The following BMP1 variants were observed in gnomAD, a reference collection of about 807,000 sequenced individuals.
The protein encoded by BMP1 is bone morphogenetic protein 1.
Under a neutral mutation model 116.8 loss-of-function variants are expected in BMP1, and 63 were observed. That is an observed-to-expected ratio of 0.54 (90% confidence interval 0.44 to 0.67). The LOEUF (loss-of-function observed/expected upper bound fraction) is 0.67. Ranked by LOEUF, BMP1 falls within the 30% of genes least tolerant of loss-of-function variation. BMP1 has a pLI of 0.00. For synonymous variants in BMP1, 536 were observed against 533.4 expected, an observed-to-expected ratio of 1.00 and a Z score of -0.07; for missense variants, 1,183 against 1,358.9, an observed-to-expected ratio of 0.87 and a Z score of 2.04.
chr8:22,205,913 C>A (rs551924037), intron 16 of BMP1, among the ~76,000 whole-genome samples: 1 of 152,184 alleles, frequency 6.6e-6, no homozygotes, highest in African/African-American at 2.4e-5. Context: ...GATGACAAAG[C>A]CCTCAAGGAA....
rs1445810351 is a variant in BMP1, at chr8:22,206,896, C to G, written c.2276C>G (p.Thr759Ser). 1.2e-6 allele frequency: 2 copies of G among 1,614,216 alleles called. No individual in the cohort carries two copies. Among genetic ancestry groups the G allele is most frequent in the African/African-American group, 1.3e-5 (1 of 75,052 alleles). Residue 759 changes from threonine (T) to serine (S), a missense_variant, in exon 17 of 20, where the codon ACC becomes AGC. This residue lies in a region of BMP1 where 956 missense variants were observed against 1,135.2 expected (regional missense o/e 0.84). Coordinates refer to ENST00000306385, the MANE Select transcript of BMP1 (RefSeq NM_006129.5). ...GTGACATCCACCAGTGGTACCATCACCAGCCCCAACTGGCCTGACAAGTAT... is the reference window on the plus strand; with the variant it reads ...GTGACATCCACCAGTGGTACCATCAGCAGCCCCAACTGGCCTGACAAGTAT... Reference protein sequence around the residue: ...HKVTSTSGTITSPNWPDKYPS... With the variant: ...HKVTSTSGTISSPNWPDKYPS...
chr8:22,200,358 C>T (rs889315521), intron 15 of BMP1, among the ~76,000 whole-genome samples: 9 of 152,176 alleles, frequency 5.9e-5, no homozygotes, highest in African/African-American at 2.2e-4. Flanking sequence ...GGTGTCCATG[C>T]GCCTGTGTGT....
intron 8 of BMP1, 67 bp from the exon 9 acceptor site, chr8:22,191,982 T>C (rs994275399): frequency 1.4e-6 from 2 of 1,431,340 alleles, no homozygotes; most frequent in African/African-American, 2.8e-5. Context: ...GTGGTCATCA[T>C]GGGGCTGGCA....
At chr8:22,187,911 G>A (rs1396029559) in intron 8 of BMP1, among the ~76,000 whole-genome samples, 1 of 152,074 alleles carries the variant, frequency 6.6e-6, no homozygotes, top group African/African-American at 2.4e-5. Context: ...ATAAGGACAC[G>A]GAGGCACAGA....
intron 16 of BMP1, among the ~76,000 whole-genome samples, chr8:22,202,303 C>T (rs73551729): frequency 0.019 from 2,858 of 152,358 alleles, 52 homozygotes; most frequent in Middle Eastern, 0.12. Context: ...AGCCCTGCCG[C>T]TTCACTAGCT....
intron 15 of BMP1, among the ~76,000 whole-genome samples, chr8:22,200,731 C>T (rs552301131): frequency 1.4e-4 from 21 of 152,256 alleles, no homozygotes; most frequent in African/African-American, 3.6e-4. Context: ...CTGTAGATGT[C>T]GCCGCCTGAA....
At position 22,209,522 on chromosome 8, in the gene BMP1, C is replaced by T. The variant is rs1383237504; in HGVS notation, c.2653C>T (p.Pro885Ser). ...SHAQFGDNNY[P>S]GGVDCEWVIV... ...CGCCCAGTTTGGCGACAACAACTAC[C>T]CTGGGGGTGTGGACTGTGAGTGGGT... is the stretch of plus-strand genomic sequence containing the variant. The change falls in exon 19 of 20, where the codon CCT becomes TCT. Residue 885 changes from proline to serine, a missense_variant. Pro to Ser is a moderately conservative substitution (Grantham distance 74). Transcript: ENST00000306385. The T allele has an allele frequency of 1.9e-6, 3 of 1,614,234 alleles. No homozygotes were observed. The highest frequency in any genetic ancestry group is 1.1e-5 in the South Asian group (1 of 91,090).
At position 22,194,448 on chromosome 8, in the gene BMP1, T is replaced by A; in HGVS notation, c.1301T>A (p.Ile434Asn). The change falls in exon 11 of 20, where the codon ATC (isoleucine) becomes AAC (asparagine). Residue 434 changes from isoleucine (I) to asparagine (N), a missense_variant. This residue lies in a region of BMP1 where 956 missense variants were observed against 1,135.2 expected (regional missense o/e 0.84). Transcript: ENST00000306385. This position sits in a 1 kb window ranked among gnomAD's most constrained non-coding sequence, Gnocchi z 4.5. ...GKGFFAVYEA[I>N]CGGDVKKDYG... ...ACCCCATCCTGTGTCCCCACAGCCA[T>A]CTGCGGGGGTGATGTGAAAAAGGAC... 6.2e-7 allele frequency: 1 copy of A among 1,614,062 alleles called. No individual in the cohort carries two copies. Among genetic ancestry groups the A allele is most frequent in the Non-Finnish European group, 8.5e-7 (1 of 1,179,992 alleles).
intron 8 of BMP1, among the ~76,000 whole-genome samples, chr8:22,190,487 G>T (rs1242388851): frequency 6.6e-6 from 1 of 152,190 alleles, no homozygotes; most frequent in Non-Finnish European, 1.5e-5. Flanking sequence ...AATGGAGAGT[G>T]GGGCCCTTGA....
intron 1 of BMP1, among the ~76,000 whole-genome samples, chr8:22,166,160 G>C (rs2131832698): frequency 6.6e-6 from 1 of 152,166 alleles, no homozygotes; most frequent in African/African-American, 2.4e-5. Context: ...GAAGCTTTCT[G>C]GGACTTAGGA....
intron 15 of BMP1, among the ~76,000 whole-genome samples, chr8:22,199,816 C>A (rs940580062): frequency 6.6e-6 from 1 of 152,112 alleles, no homozygotes; most frequent in African/African-American, 2.4e-5. Context: ...TCGATCAGGC[C>A]CCCTCTGATG....
At chr8:22,176,722 C>T in intron 4 of BMP1, 72 bp downstream of exon 4, 1 of 1,494,634 alleles carries the variant, frequency 6.7e-7, no homozygotes, top group African/African-American at 1.4e-5. Context: ...GGCCCTGCCA[C>T]TGCCCCCAGC....
rs146154085 is a variant in BMP1, at chr8:22,194,085, A to T, written c.1208A>T (p.Glu403Val). ...CGCTTCTGCGGGTCCAAACTCCCTG[A>T]GCCTATCGTCTCCACTGACAGCCGC... The part of the protein sequence containing the change: ...RGRFCGSKLP[E>V]PIVSTDSRLW... Residue 403 changes from glutamate (E) to valine (V), a missense_variant, in exon 10 of 20, where the codon GAG becomes GTG. By Grantham distance (121) the Glu-to-Val change is moderately radical. Around this residue, in one of 4 missense-constraint regions of BMP1, gnomAD observed 956 missense variants for 1,135.2 expected, o/e 0.84. Coordinates refer to ENST00000306385, the MANE Select transcript of BMP1 (RefSeq NM_006129.5). The surrounding 1 kb of genome is among the most constrained non-coding windows in gnomAD (Gnocchi z 4.5). 4 of 1,614,064 alleles carry T rather than the reference A, an allele frequency of 2.5e-6. No individual in the cohort carries two copies. In the African/African-American group the frequency reaches 5.3e-5, roughly 22 times the overall value.
Position 22,165,554 on chromosome 8 carries a change from G to A in BMP1, c.148+1G>A. The stretch of plus-strand genomic sequence containing the variant: ...AACTACAAAGACCCCTGCAAGGCGG[G>A]TGAGCGCCCCCCGGCCCCCCGGCGA... On this transcript the variant is annotated splice_donor_variant, in intron 1 of 19. Transcript: ENST00000306385. LOFTEE classifies it high-confidence loss of function. 2.5e-6 allele frequency: 4 copies of A among 1,578,676 alleles called. No individual in the cohort carries two copies. The highest frequency in any genetic ancestry group is 3.4e-6 in the Non-Finnish European group (4 of 1,166,162).
At chr8:22,169,184 GAAA>G (rs5890026) in intron 1 of BMP1, among the ~76,000 whole-genome samples, 61 of 126,874 alleles carry the variant, frequency 4.8e-4, no homozygotes, top group African/African-American at 1.2e-3. Flanking sequence ...AAGACTCTGT[GAAA>G]AAAAAAAAAA....
At position 22,188,537 on chromosome 8, in the gene BMP1, C is replaced by G. The variant is rs988808827; in HGVS notation, c.1078-3512C>G. Among the ~76,000 whole-genome samples the G allele has an allele frequency of 6.6e-5, 10 of 152,288 alleles. No homozygotes were observed. The Middle Eastern group carries it at 0.01, about 155-fold the overall frequency. On this transcript the variant is annotated intron_variant, in intron 8 of 19. Coordinates refer to ENST00000306385, the MANE Select transcript of BMP1 (RefSeq NM_006129.5). ...GAGCCACAGGCCCAAGTCACCAGCC[C>G]GGAAGCGGTGGGGCAGGCCAGGTTT...
At chr8:22,181,159 CCACTGG>C (rs1215291176) in intron 8 of BMP1, among the ~76,000 whole-genome samples, 1 of 152,216 alleles carries the variant, frequency 6.6e-6, no homozygotes, top group Non-Finnish European at 1.5e-5. Flanking sequence ...GCCTGGCTCT[CCACTGG>C]CACTCTATTT....
chr8:22,210,306 G>A (rs1034352042), intron 19 of BMP1, among the ~76,000 whole-genome samples: 1 of 151,764 alleles, frequency 6.6e-6, no homozygotes, highest in African/African-American at 2.4e-5. Flanking sequence ...TAAGGACATG[G>A]GCTAGCCTCG....
At chr8:22,174,627 CTTTTTTTTTTTT>C (rs57781366) in intron 2 of BMP1, among the ~76,000 whole-genome samples, 11 of 106,286 alleles carry the variant, frequency 1.0e-4, no homozygotes, top group Non-Finnish European at 1.7e-4. Flanking sequence ...TTTTTTCTGT[CTTTTTTTTTTTT>C]TTTTTTTTTT....
Sources: gnomAD v4.1 joint callset for allele counts (sites outside exome capture counted in the v4.1 genomes callset) on GRCh38, gnomAD v4.1.1 for gene constraint, gnomAD v4.1.1 regional missense constraint, Gnocchi (gnomAD v3.1) non-coding constraint, MANE v1.5 for transcripts, NCBI Gene and HGNC (gene_info 2026-07-23, HGNC 2026-07-21) for gene names.